Variants in SPTLC2 observed in about 807,000 individuals in gnomAD.
SPTLC2 encodes serine palmitoyltransferase 2.
SPTLC2 carries 21 observed loss-of-function variants against 62.0 expected under a neutral mutation model. The observed-to-expected ratio is 0.34, with a 90% CI of 0.24 to 0.49. The LOEUF is 0.49. Ranked by LOEUF, SPTLC2 falls within the 20% of genes least tolerant of loss-of-function variation. SPTLC2 has a pLI of 0.99. For missense variants in SPTLC2, 511 were observed against 713.0 expected, an observed-to-expected ratio of 0.72 and a Z score of 3.23; for synonymous variants, 261 against 261.8, an observed-to-expected ratio of 1.00 and a Z score of 0.03.
intron 2 of SPTLC2, among the ~76,000 whole-genome samples, chr14:77,589,792 C>A (rs1370450937): frequency 1.3e-5 from 2 of 149,006 alleles, no homozygotes; most frequent in African/African-American, 2.5e-5. Flanking sequence ...TCCGTCTCCA[C>A]ACACACACAC....
chr14:77,534,016 G>A (rs551683751), intron 9 of SPTLC2, among the ~76,000 whole-genome samples: 29 of 152,138 alleles, frequency 1.9e-4, no homozygotes, highest in African/African-American at 7.0e-4. Context: ...AAAATTACCA[G>A]GTGTGGTGAC....
chr14:77,512,345 C>T lies in SPTLC2; in HGVS notation c.1628G>A (p.Arg543Gln), dbSNP rs763898397. ...DLLQLKYSRHRLVPLLDRPFD... is the reference protein window; with the variant it reads ...DLLQLKYSRHQLVPLLDRPFD... ...GGGCCTGTCCAGTAGAGGTACCAAC[C>T]GATGACGGGAATACTTCAGCTGCAA... Residue 543 changes from arginine (R) to glutamine (Q), a missense_variant, in exon 12 of 12, where the codon CGG (arginine) becomes CAG (glutamine). Arg to Gln is a conservative substitution (Grantham distance 43). Transcript: ENST00000216484. 6.4e-5 allele frequency: 104 copies of T among 1,614,086 alleles called. No homozygotes were observed. The highest frequency in any genetic ancestry group is 8.5e-5 in the Non-Finnish European group (100 of 1,180,050).
At chr14:77,573,850 T>G (rs961472075) in intron 4 of SPTLC2, among the ~76,000 whole-genome samples, 3 of 152,204 alleles carry the variant, frequency 2.0e-5, no homozygotes, top group African/African-American at 7.2e-5. Context: ...TAGGCTGGTC[T>G]TGAACTCCTG....
At chr14:77,539,506 T>TG (rs1555374300) in intron 9 of SPTLC2, among the ~76,000 whole-genome samples, 823 of 80,122 alleles carry the variant, frequency 0.01, 44 homozygotes, top group East Asian at 0.018. Context: ...TTTTTTTTTT[T>TG]GGAGATGGGG....
intron 5 of SPTLC2, among the ~76,000 whole-genome samples, chr14:77,570,121 G>T (rs1367168917): frequency 4.6e-5 from 7 of 150,734 alleles, no homozygotes; most frequent in African/African-American, 1.7e-4. Flanking sequence ...TACTTGGGAG[G>T]CTGAGGCAGG....
chr14:77,554,780 A>AT, intron 8 of SPTLC2: 2 of 170,348 alleles, frequency 1.2e-5, no homozygotes, highest in Non-Finnish European at 2.6e-5. Context: ...TCACCGTATG[A>AT]TTTTTTTCTG....
intron 3 of SPTLC2, 110 bp from the exon 4 acceptor site, chr14:77,577,025 T>TA (rs2079720234): frequency 3.2e-6 from 4 of 1,242,664 alleles, no homozygotes; most frequent in Admixed American, 1.9e-5. Context: ...AAGTCTATAT[T>TA]AAAAAAATCT....
chr14:77,616,130 G>GGGCC (rs1410700582), intron 1 of SPTLC2, among the ~76,000 whole-genome samples: 2 of 152,246 alleles, frequency 1.3e-5, no homozygotes, highest in Non-Finnish European at 2.9e-5. Flanking sequence ...GGAGTCCGAA[G>GGGCC]GGCCCCTCAT....
chr14:77,606,373 C>CTGTGTG (rs59065946), intron 1 of SPTLC2, among the ~76,000 whole-genome samples: 16,678 of 148,258 alleles, frequency 0.11, 999 homozygotes, highest in Admixed American at 0.18. Context: ...AGGGAGGGGA[C>CTGTGTG]TGTGTGTGTG....
chr14:77,605,650 A>G (rs2140062724), intron 1 of SPTLC2, among the ~76,000 whole-genome samples: 1 of 152,366 alleles, frequency 6.6e-6, no homozygotes, highest in South Asian at 2.1e-4. Flanking sequence ...AACTCCATCA[A>G]GAGAAAGAAA....
At chr14:77,525,585 G>A (rs1161827784) in intron 9 of SPTLC2, among the ~76,000 whole-genome samples, 2 of 127,888 alleles carry the variant, frequency 1.6e-5, no homozygotes, top group African/African-American at 2.9e-5. Flanking sequence ...GTGAAACTCC[G>A]TCTCGAAAAA....
At chr14:77,556,025 T>C (rs1234584788) in intron 7 of SPTLC2, among the ~76,000 whole-genome samples, 1 of 152,094 alleles carries the variant, frequency 6.6e-6, no homozygotes, top group Admixed American at 6.6e-5. Context: ...AAAACTGGAC[T>C]TTTAAAACAA....
rs372179507 is a variant in SPTLC2 at position 77,519,641 on chromosome 14, C to CT, written c.1440-1475dup. 6.0e-3 allele frequency among the ~76,000 whole-genome samples: 916 copies of CT among 152,246 alleles called. 5 individuals carry two copies. The highest frequency in any genetic ancestry group is 0.01 in the Non-Finnish European group (699 of 68,022). On this transcript the variant is annotated intron_variant, in intron 10 of 11. Transcript: ENST00000216484. ...GCGGAAGCACAAGATTTGCTTGAAC[C>CT]TGGGAGGTGGAGGTTGCAGTAAGCC...
At chr14:77,576,198 T>C (rs1205006760) in intron 4 of SPTLC2, among the ~76,000 whole-genome samples, 2 of 152,244 alleles carry the variant, frequency 1.3e-5, no homozygotes, top group Admixed American at 1.3e-4. Context: ...CTGAATCAAA[T>C]TGGAACAATC....
At chr14:77,547,872 G>A (rs1205457538) in intron 9 of SPTLC2, 2 of 95,374 alleles carry the variant, frequency 2.1e-5, no homozygotes, top group African/African-American at 4.0e-5. Context: ...GTCCTGGAAT[G>A]TCTTTTTTTT....
chr14:77,559,100 G>A (rs959738408), intron 6 of SPTLC2, among the ~76,000 whole-genome samples: 19 of 152,094 alleles, frequency 1.2e-4, no homozygotes, highest in African/African-American at 3.6e-4. Context: ...CGGGTGAATC[G>A]CTTAAGGTCA....
intron 6 of SPTLC2, 28 bp downstream of exon 6, chr14:77,562,368 C>T (rs1447921453): frequency 6.3e-7 from 1 of 1,599,814 alleles, no homozygotes; most frequent in South Asian, 1.1e-5. Context: ...AAAACCAAGG[C>T]CAGCAGTGAA....
intron 2 of SPTLC2, among the ~76,000 whole-genome samples, chr14:77,591,972 C>A (rs919506422): frequency 6.6e-6 from 1 of 152,032 alleles, no homozygotes; most frequent in Non-Finnish European, 1.5e-5. Context: ...GATCCGCCCG[C>A]CTTGGCCTCC....
At chr14:77,530,594 T>C (rs1307100345) in intron 9 of SPTLC2, among the ~76,000 whole-genome samples, 1 of 152,178 alleles carries the variant, frequency 6.6e-6, no homozygotes, top group Admixed American at 6.6e-5. Context: ...CCACAAGATC[T>C]TTCAATACAC....
Sources: allele counts gnomAD v4.1 joint callset (sites outside exome capture counted in the v4.1 genomes callset), GRCh38; gene constraint gnomAD v4.1.1; transcripts MANE v1.5; gene names NCBI Gene and HGNC (gene_info 2026-07-23, HGNC 2026-07-21).